The following TASP1 variants were observed in gnomAD, a reference collection of about 807,000 sequenced individuals.
TASP1 encodes threonine aspartase 1.
A neutral mutation model predicts 56.6 loss-of-function variants in TASP1; 16 were observed. The observed-to-expected ratio is 0.28, with a 90% CI of 0.19 to 0.43. TASP1 has a LOEUF of 0.43. Among genes scored for constraint, TASP1 ranks in the 20% least tolerant of loss-of-function variants. TASP1 has a pLI of 1.00. For synonymous variants in TASP1, 179 were observed against 184.2 expected (o/e 0.97, Z 0.23); for missense variants, 393 against 511.6 (o/e 0.77, Z 2.24).
At chr20:13,248,611 G>A in the TASP1 span, among the ~76,000 whole-genome samples, 2 of 152,214 alleles carry the variant, frequency 1.3e-5, no homozygotes, top group Non-Finnish European at 2.9e-5. Flanking sequence ...TTCTTCACAT[G>A]TAGCTGGGGT....
At chr20:13,290,689 TA>T in the TASP1 span, among the ~76,000 whole-genome samples, 2 of 151,840 alleles carry the variant, frequency 1.3e-5, no homozygotes, top group African/African-American at 4.8e-5. Flanking sequence ...AAAATGAAGA[TA>T]AAGGTGAAGA....
At chr20:13,438,491 T>C (rs1210901477) in intron 11 of TASP1, among the ~76,000 whole-genome samples, 1 of 152,114 alleles carries the variant, frequency 6.6e-6, no homozygotes, top group East Asian at 1.9e-4. Flanking sequence ...TTATACCTTA[T>C]ACAAAAATTA....
the TASP1 span, among the ~76,000 whole-genome samples, chr20:13,285,404 G>A: frequency 9.8e-5 from 15 of 152,350 alleles, no homozygotes; most frequent in East Asian, 2.3e-3. Context: ...GGTCTGGTCT[G>A]GACTGGCTTG....
At chr20:13,127,516 T>A in the TASP1 span, among the ~76,000 whole-genome samples, 98 of 152,362 alleles carry the variant, frequency 6.4e-4, no homozygotes, top group African/African-American at 2.3e-3. Context: ...GCTTCAAGCC[T>A]GCTATTTCAG....
Position 13,534,015 on chromosome 20 carries a change from T to C in TASP1, c.795+7A>G, listed in dbSNP as rs77527408. The C allele has an allele frequency of 1.9e-3, 3,062 of 1,609,404 alleles. 9 individuals carry two copies. Among genetic ancestry groups the C allele is most frequent in the African/African-American group, 0.015 (1,135 of 74,740 alleles). ...AAGGCTAGTTTAAAAAACCCATAAT[T>C]ACTTACCTGCCCAACTCTCCCCGGA... On this transcript the variant is annotated splice_region_variant and intron_variant, in intron 9 of 13. Transcript: ENST00000337743.
intron 12 of TASP1, among the ~76,000 whole-genome samples, chr20:13,429,417 A>G (rs564579826): frequency 2.6e-5 from 4 of 152,234 alleles, no homozygotes; most frequent in Non-Finnish European, 5.9e-5. Flanking sequence ...AGAATGAATG[A>G]AGAGAAAAAC....
At chr20:13,391,101 G>A (rs1420758854) in intron 13 of TASP1, among the ~76,000 whole-genome samples, 1 of 152,162 alleles carries the variant, frequency 6.6e-6, no homozygotes. Flanking sequence ...CAGGTAGGTG[G>A]TTCATGTAGC....
At chr20:13,356,439 C>A in the TASP1 span, among the ~76,000 whole-genome samples, 2 of 152,218 alleles carry the variant, frequency 1.3e-5, no homozygotes, top group Non-Finnish European at 2.9e-5. Flanking sequence ...AGCCTCATAA[C>A]TTACCTATCA....
At chr20:13,588,841 G>T (rs978869953) in intron 4 of TASP1, among the ~76,000 whole-genome samples, 1 of 151,962 alleles carries the variant, frequency 6.6e-6, no homozygotes, top group African/African-American at 2.4e-5. Flanking sequence ...TGCAAGAGAC[G>T]CAGAATAACC....
chr20:13,503,624 A>G (rs1258672276), intron 10 of TASP1, among the ~76,000 whole-genome samples: 1 of 152,098 alleles, frequency 6.6e-6, no homozygotes, highest in African/African-American at 2.4e-5. Flanking sequence ...GATCAAAAAA[A>G]TGGAGATCTA....
chr20:13,503,660 A>G (rs1241256347), intron 10 of TASP1, among the ~76,000 whole-genome samples: 8 of 152,326 alleles, frequency 5.3e-5, no homozygotes, highest in Admixed American at 2.0e-4. Flanking sequence ...ATAATTCAAA[A>G]TAATTGTTTT....
intron 11 of TASP1, among the ~76,000 whole-genome samples, chr20:13,462,870 A>G (rs1474320687): frequency 4.6e-5 from 7 of 152,142 alleles, no homozygotes; most frequent in Non-Finnish European, 1.0e-4. Context: ...TTAAAAATAA[A>G]TTAAAGGTAC....
At chr20:13,155,370 A>G in the TASP1 span, among the ~76,000 whole-genome samples, 11 of 152,170 alleles carry the variant, frequency 7.2e-5, no homozygotes, top group African/African-American at 2.4e-4. Context: ...GCCTGACTAG[A>G]TTGGCAGAGT....
intron 8 of TASP1, among the ~76,000 whole-genome samples, chr20:13,551,635 T>C (rs1025977799): frequency 2.6e-5 from 4 of 152,184 alleles, no homozygotes; most frequent in Admixed American, 2.0e-4. Context: ...GTTTTCCCAA[T>C]ACGAGGGTCT....
At chr20:13,581,682 T>TGACAATGACAAA (rs1248442117) in intron 5 of TASP1, among the ~76,000 whole-genome samples, 1 of 152,176 alleles carries the variant, frequency 6.6e-6, no homozygotes, top group Non-Finnish European at 1.5e-5. Context: ...ACTGTCAGGA[T>TGACAATGACAAA]GACAATGACA....
intron 12 of TASP1, among the ~76,000 whole-genome samples, chr20:13,430,627 A>T (rs1256383069): frequency 6.6e-6 from 1 of 152,210 alleles, no homozygotes; most frequent in Non-Finnish European, 1.5e-5. Flanking sequence ...GAAATCAGAC[A>T]CTTTCACTTC....
At chr20:13,498,248 A>T (rs2146619591) in intron 10 of TASP1, among the ~76,000 whole-genome samples, 1 of 152,236 alleles carries the variant, frequency 6.6e-6, no homozygotes, top group Non-Finnish European at 1.5e-5. Context: ...TGAATCTATA[A>T]GGAACTTAAC....
At chr20:13,354,078 A>C in the TASP1 span, among the ~76,000 whole-genome samples, 1 of 152,202 alleles carries the variant, frequency 6.6e-6, no homozygotes, top group South Asian at 2.1e-4. Context: ...AAAACTCATC[A>C]ATTTTTAAAA....
the TASP1 span, chr20:13,221,844 T>G: frequency 5.5e-6 from 8 of 1,443,814 alleles, no homozygotes; most frequent in Non-Finnish European, 7.2e-6. Flanking sequence ...CACATCACCG[T>G]GCTGCGCGGC....
Sources: allele counts gnomAD v4.1 joint callset (sites outside exome capture counted in the v4.1 genomes callset), GRCh38; gene constraint gnomAD v4.1.1; transcripts MANE v1.5; gene names NCBI Gene and HGNC (gene_info 2026-07-23, HGNC 2026-07-21).